The following ZGRF1 variants were observed in gnomAD, a reference collection of about 807,000 sequenced individuals.
The protein encoded by ZGRF1 is zinc finger GRF-type containing 1, also known as 5'-3' DNA helicase ZGRF1.
A neutral mutation model predicts 203.5 loss-of-function variants in ZGRF1; 196 were observed. The ratio of observed to expected loss-of-function variants is 0.96; its 90% confidence interval spans 0.86 to 1.08. The LOEUF is 1.08. Ranked by LOEUF, ZGRF1 falls within the 50% of genes least tolerant of loss-of-function variation. ZGRF1 has a pLI of 0.00. For missense variants in ZGRF1, 2,326 were observed against 2,416.3 expected, an observed-to-expected ratio of 0.96 and a Z score of 0.78; for synonymous variants, 809 against 841.3, an observed-to-expected ratio of 0.96 and a Z score of 0.66.
chr4:112,547,347 C>T lies in ZGRF1; in HGVS notation c.5536G>A (p.Gly1846Ser). The stretch of plus-strand genomic sequence containing the variant: ...CCATTTTCATGAGCTGCATCAGAAC[C>T]CTGAATAGTAGGAGGTAGCTGTTTG... ...DPKQLPPTIQ[G>S]SDAAHENGLE... Residue 1846 changes from glycine (G) to serine (S), a missense_variant, in exon 24 of 28, where the codon GGT becomes AGT. Transcript: ENST00000505019. 6.2e-7 allele frequency: 1 copy of T among 1,613,348 alleles called. No homozygotes were observed.
At position 112,618,837 on chromosome 4, in the gene ZGRF1, A is replaced by G. The variant is rs150087374; in HGVS notation, c.1205T>C (p.Val402Ala). 2 of 1,613,318 alleles carry G rather than the reference A, an allele frequency of 1.2e-6. No individual in the cohort carries two copies. The highest frequency in any genetic ancestry group is 1.3e-5 in the African/African-American group (1 of 75,034). ...ATTGAATGAAGGAATTTCTAATTTTACTTCCTGATTCCAGGATGGATCATT... is the reference window on the plus strand; with the variant it reads ...ATTGAATGAAGGAATTTCTAATTTTGCTTCCTGATTCCAGGATGGATCATT... Reference protein sequence around the residue: ...GNNDPSWNQEVKLEIPSFNES... With the variant: ...GNNDPSWNQEAKLEIPSFNES... The change falls in exon 6 of 28, where the codon GTA (valine) becomes GCA (alanine). Residue 402 changes from valine (V) to alanine (A), a missense_variant. Transcript: ENST00000505019.
chr4:112,627,994 C>T (rs1578493869), intron 3 of ZGRF1, among the ~76,000 whole-genome samples: 1 of 152,246 alleles, frequency 6.6e-6, no homozygotes, highest in East Asian at 1.9e-4. Flanking sequence ...AGCTCCCTTC[C>T]CCCTAACTTA....
rs1397333745 is a variant in ZGRF1 at position 112,563,264 on chromosome 4, C to A, written c.4449G>T (p.Trp1483Cys). The change falls in exon 17 of 28, where the codon TGG (tryptophan) becomes TGT (cysteine). Residue 1483 changes from tryptophan (W) to cysteine (C), a missense_variant. Trp to Cys is a radical substitution (Grantham distance 215). Coordinates refer to ENST00000505019, the MANE Select transcript of ZGRF1 (RefSeq NM_018392.5). Reference protein sequence around the residue: ...RSSAYSKNDLWVVSKTLDFEL... With the variant: ...RSSAYSKNDLCVVSKTLDFEL... ...CAAAGTCTAGGGTTTTTGAAACCAC[C>A]CAAAGATCATCTGAAAAGACAAACA... The A allele has an allele frequency of 6.5e-7, 1 of 1,549,958 alleles. No homozygotes were observed. The highest frequency in any genetic ancestry group is 8.7e-7 in the Non-Finnish European group (1 of 1,146,184).
chr4:112,592,097 T>C (rs537837517), intron 10 of ZGRF1, among the ~76,000 whole-genome samples: 2 of 126,974 alleles, frequency 1.6e-5, no homozygotes, highest in African/African-American at 2.7e-5. Context: ...TCATTCATTC[T>C]TTTTTTTTTT....
intron 19 of ZGRF1, among the ~76,000 whole-genome samples, chr4:112,560,309 T>C (rs1331746893): frequency 6.6e-6 from 1 of 152,174 alleles, no homozygotes; most frequent in African/African-American, 2.4e-5. Context: ...TGTTATGACC[T>C]CCATTTCCTC....
chr4:112,618,274 G>A lies in ZGRF1; in HGVS notation c.1768C>T (p.Pro590Ser). Reference protein sequence around the residue: ...NCEEIEGEHLPFLTSVSDKPT... With the variant: ...NCEEIEGEHLSFLTSVSDKPT... The stretch of plus-strand genomic sequence containing the variant: ...TTGTCACTAACAGATGTTAAGAATG[G>A]CAAATGTTCACCCTCAATCTCTTCA... The change falls in exon 6 of 28, where the codon CCA becomes TCA. Residue 590 changes from proline to serine, a missense_variant. Transcript: ENST00000505019. The A allele has an allele frequency of 6.2e-7, 1 of 1,613,766 alleles. No homozygotes were observed. Among genetic ancestry groups the A allele is most frequent in the Non-Finnish European group, 8.5e-7 (1 of 1,179,822 alleles).
At chr4:112,584,277 C>G in intron 14 of ZGRF1, 103 bp from the exon 15 acceptor site, 1 of 613,250 alleles carries the variant, frequency 1.6e-6, no homozygotes, top group South Asian at 3.4e-5. Flanking sequence ...CTTGGCATTA[C>G]TGTACTCCAG....
intron 16 of ZGRF1, chr4:112,565,430 CA>C (rs35098422): frequency 0.13 from 65,322 of 506,876 alleles, 840 homozygotes; most frequent in Non-Finnish European, 0.15. Flanking sequence ...ATTTCATTCT[CA>C]AAAAAAAAAA....
chr4:112,579,685 G>A (rs1392631679), intron 16 of ZGRF1, among the ~76,000 whole-genome samples: 2 of 120,484 alleles, frequency 1.7e-5, no homozygotes, highest in African/African-American at 5.8e-5. Context: ...GCTTCAAAGA[G>A]AATAAAATAC....
intron 22 of ZGRF1, among the ~76,000 whole-genome samples, chr4:112,553,098 T>C (rs1258258362): frequency 6.6e-6 from 1 of 152,238 alleles, no homozygotes; most frequent in Admixed American, 6.5e-5. Flanking sequence ...ATCAATACAG[T>C]GTCCCAAGTA....
chr4:112,626,928 CTT>C (rs1447223289), intron 3 of ZGRF1, among the ~76,000 whole-genome samples: 10 of 152,110 alleles, frequency 6.6e-5, no homozygotes, highest in African/African-American at 1.2e-4. Flanking sequence ...GCCTCAATCT[CTT>C]GAGTAGCTGG....
At chr4:112,574,447 T>C (rs1744771919) in intron 16 of ZGRF1, among the ~76,000 whole-genome samples, 1 of 152,128 alleles carries the variant, frequency 6.6e-6, no homozygotes, top group African/African-American at 2.4e-5. Flanking sequence ...TACATAAATC[T>C]ATACACAGAA....
chr4:112,582,649 G>A (rs1000055225), intron 15 of ZGRF1, among the ~76,000 whole-genome samples: 2 of 151,822 alleles, frequency 1.3e-5, no homozygotes, highest in African/African-American at 2.4e-5. Context: ...TTCATGAGAC[G>A]ACGTTTCATC....
intron 26 of ZGRF1, among the ~76,000 whole-genome samples, chr4:112,540,397 T>C (rs1560723010): frequency 2.6e-5 from 4 of 151,968 alleles, no homozygotes; most frequent in East Asian, 1.9e-4. Flanking sequence ...ATGAAACAGA[T>C]AAAAAATACT....
intron 10 of ZGRF1, among the ~76,000 whole-genome samples, chr4:112,592,197 A>C (rs1490830379): frequency 6.6e-6 from 1 of 150,958 alleles, no homozygotes; most frequent in Non-Finnish European, 1.5e-5. Context: ...TCCCAAGTAC[A>C]AGCAATTCTC....
chr4:112,628,937 A>G (rs969122882), intron 3 of ZGRF1: 88 of 362,920 alleles, frequency 2.4e-4, no homozygotes, highest in Middle Eastern at 8.7e-4. Flanking sequence ...TTTAAAAAAA[A>G]TATGGATATG....
intron 15 of ZGRF1, among the ~76,000 whole-genome samples, chr4:112,582,887 C>A (rs538227903): frequency 1.8e-3 from 270 of 152,242 alleles, no homozygotes; most frequent in African/African-American, 6.4e-3. Flanking sequence ...ATCCATTCAT[C>A]CATTGATGGA....
intron 4 of ZGRF1, among the ~76,000 whole-genome samples, chr4:112,623,158 C>T (rs2047119009): frequency 6.6e-6 from 1 of 152,178 alleles, no homozygotes; most frequent in South Asian, 2.1e-4. Context: ...CCTCCAGCTC[C>T]ATCCATATTC....
chr4:112,614,482 A>G (rs2046797672), intron 6 of ZGRF1, among the ~76,000 whole-genome samples: 1 of 152,148 alleles, frequency 6.6e-6, no homozygotes, highest in African/African-American at 2.4e-5. Flanking sequence ...ATGGTTGCTT[A>G]GTGCCACATT....
Sources: gnomAD v4.1 joint callset for allele counts (sites outside exome capture counted in the v4.1 genomes callset) on GRCh38, gnomAD v4.1.1 for gene constraint, MANE v1.5 for transcripts, NCBI Gene and HGNC (gene_info 2026-07-23, HGNC 2026-07-21) for gene names.